LRBA: variants seen among roughly 807,000 people sequenced by gnomAD.
The protein encoded by LRBA is lipopolysaccharide-responsive and beige-like anchor protein.
In LRBA, 176 loss-of-function variants were observed where a neutral mutation model predicts 330.0. That is an observed-to-expected ratio of 0.53 (90% CI 0.47 to 0.60). The LOEUF is 0.60. LRBA is among the 20% of genes least tolerant of loss of function. The pLI is 0.00. For synonymous variants in LRBA, 1,230 were observed against 1,193.0 expected, an observed-to-expected ratio of 1.03 and a Z score of -0.64; for missense variants, 3,259 against 3,444.8, an observed-to-expected ratio of 0.95 and a Z score of 1.35.
At chr4:150,391,975 A>T (rs1371889163) in intron 47 of LRBA, among the ~76,000 whole-genome samples, 1 of 11,032 alleles carries the variant, frequency 9.1e-5, no homozygotes. Flanking sequence ...TACTCTTTAA[A>T]AAAAAAAAAA....
At chr4:150,780,623 A>T (rs1374410713) in intron 34 of LRBA, among the ~76,000 whole-genome samples, 1 of 135,278 alleles carries the variant, frequency 7.4e-6, no homozygotes, top group East Asian at 2.1e-4. Context: ...ATATACATAT[A>T]TATACACGTA....
intron 56 of LRBA, among the ~76,000 whole-genome samples, chr4:150,267,307 T>A (rs1171677810): frequency 1.3e-5 from 2 of 150,228 alleles, no homozygotes; most frequent in African/African-American, 2.5e-5. Flanking sequence ...TGTTAATGAC[T>A]TAGTAAAGAT....
chr4:150,314,572 T>C (rs371742352), intron 51 of LRBA, among the ~76,000 whole-genome samples: 3 of 152,180 alleles, frequency 2.0e-5, no homozygotes, highest in Non-Finnish European at 4.4e-5. Context: ...TTCATTCATA[T>C]GCTTTCTTTA....
rs532494553 is a variant in LRBA at position 150,950,624 on chromosome 4, T to C, written c.217-21559A>G. Among the ~76,000 whole-genome samples, 13 of 152,094 alleles carry C rather than the reference T, an allele frequency of 8.5e-5. 1 individual carries two copies. The highest frequency in any genetic ancestry group is 2.4e-4 in the African/African-American group (10 of 41,516). On this transcript the variant is annotated intron_variant, in intron 2 of 56. Transcript: ENST00000651943. The stretch of plus-strand genomic sequence containing the variant: ...TCTTTATAATAATTTCATACCAATA[T>C]CCTTATGTAGGGAGATTTATCAGAT...
At chr4:150,566,395 A>G (rs1017898556) in intron 40 of LRBA, among the ~76,000 whole-genome samples, 1 of 152,152 alleles carries the variant, frequency 6.6e-6, no homozygotes, top group Non-Finnish European at 1.5e-5. Flanking sequence ...ACCTCTGAAG[A>G]TTAAATTATA....
intron 47 of LRBA, among the ~76,000 whole-genome samples, chr4:150,364,229 A>C (rs888390877): frequency 6.6e-6 from 1 of 152,230 alleles, no homozygotes; most frequent in African/African-American, 2.4e-5. Flanking sequence ...TGTCCAACTA[A>C]ACAACCACCA....
chr4:150,720,830 G>A (rs572962443), intron 36 of LRBA, among the ~76,000 whole-genome samples: 2 of 152,068 alleles, frequency 1.3e-5, no homozygotes, highest in South Asian at 2.1e-4. Context: ...ATCACAGGCA[G>A]AAGACACAAA....
chr4:150,969,261 T>C (rs529499030), intron 2 of LRBA, among the ~76,000 whole-genome samples: 49 of 152,334 alleles, frequency 3.2e-4, no homozygotes, highest in Admixed American at 2.2e-3. Flanking sequence ...AAATACATTT[T>C]GTAAGGCTAT....
chr4:150,582,425 G>C (rs1378326365), intron 40 of LRBA: 1 of 152,220 alleles, frequency 6.6e-6, no homozygotes, highest in East Asian at 1.9e-4. Context: ...ACGGCGGACT[G>C]AGTTGTACTT....
At position 150,583,737 on chromosome 4, in the gene LRBA, G is replaced by A. The variant is rs774467046; in HGVS notation, c.6330+4311C>T. The A allele has an allele frequency of 1.9e-6, 3 of 1,613,642 alleles. No homozygotes were observed. The highest frequency in any genetic ancestry group is 1.3e-5 in the African/African-American group (1 of 75,044). ...ACGCCTGGGTGCTACAGTTCGGGGA[G>A]GCGGAGAACCGCCTGCTGATGGGCG... On this transcript the variant is annotated intron_variant, in intron 40 of 56. Coordinates refer to ENST00000651943, the MANE Select transcript of LRBA (RefSeq NM_001364905.1). The surrounding 1 kb of genome is among the most constrained non-coding windows in gnomAD (Gnocchi z 9.8).
intron 40 of LRBA, among the ~76,000 whole-genome samples, chr4:150,495,253 T>C (rs1036259287): frequency 1.3e-5 from 2 of 152,152 alleles, no homozygotes; most frequent in African/African-American, 4.8e-5. Flanking sequence ...TACACATATA[T>C]CCATAAATAA....
At chr4:150,400,794 C>A (rs1398016541) in intron 47 of LRBA, among the ~76,000 whole-genome samples, 1 of 152,068 alleles carries the variant, frequency 6.6e-6, no homozygotes, top group African/African-American at 2.4e-5. Context: ...AGGCTATGAT[C>A]AGCCACTGCA....
At chr4:150,741,480 T>C (rs1731965783) in intron 35 of LRBA, among the ~76,000 whole-genome samples, 1 of 152,134 alleles carries the variant, frequency 6.6e-6, no homozygotes, top group African/African-American at 2.4e-5. Flanking sequence ...AGAATGGCTA[T>C]ATATGTTTAA....
chr4:150,853,732 A>T (rs949439543), intron 22 of LRBA, among the ~76,000 whole-genome samples: 1 of 152,192 alleles, frequency 6.6e-6, no homozygotes, highest in Non-Finnish European at 1.5e-5. Flanking sequence ...TAGAATTTTT[A>T]AAATCTAAGG....
At chr4:150,318,152 C>T (rs1159702285) in intron 50 of LRBA, among the ~76,000 whole-genome samples, 2 of 152,070 alleles carry the variant, frequency 1.3e-5, no homozygotes, top group Non-Finnish European at 2.9e-5. Context: ...CACCTCTCCC[C>T]TCTTTCATTA....
At chr4:150,355,427 T>C (rs2151829783) in intron 47 of LRBA, among the ~76,000 whole-genome samples, 1 of 151,964 alleles carries the variant, frequency 6.6e-6, no homozygotes, top group East Asian at 1.9e-4. Flanking sequence ...CTCATACCAC[T>C]CCATTAAAAA....
intron 36 of LRBA, among the ~76,000 whole-genome samples, chr4:150,732,554 T>C (rs964194331): frequency 2.6e-5 from 4 of 152,066 alleles, no homozygotes; most frequent in Non-Finnish European, 5.9e-5. Flanking sequence ...CCTTTTCATA[T>C]GTTTACTGGT....
At chr4:150,953,385 C>G (rs189783354) in intron 2 of LRBA, among the ~76,000 whole-genome samples, 5 of 148,040 alleles carry the variant, frequency 3.4e-5, no homozygotes, top group Non-Finnish European at 6.0e-5. Context: ...CCCTCCCCCC[C>G]CTCTTTGCAC....
intron 16 of LRBA, among the ~76,000 whole-genome samples, chr4:150,893,639 G>C (rs118153953): frequency 6.6e-6 from 1 of 151,874 alleles, no homozygotes; most frequent in African/African-American, 2.4e-5. Context: ...TTGAGCCACC[G>C]CACCTGACCT....
Sources: allele counts gnomAD v4.1 joint callset (sites outside exome capture counted in the v4.1 genomes callset), GRCh38; gene constraint gnomAD v4.1.1; non-coding constraint Gnocchi (gnomAD v3.1); transcripts MANE v1.5; gene names NCBI Gene and HGNC (gene_info 2026-07-23, HGNC 2026-07-21).